Variants in NCOA2 observed in about 807,000 individuals in gnomAD.
NCOA2 encodes the protein nuclear receptor coactivator 2.
NCOA2 carries 21 observed loss-of-function variants against 145.1 expected under a neutral mutation model. That is an observed-to-expected ratio of 0.14 (90% CI 0.10 to 0.21). The LOEUF (loss-of-function observed/expected upper bound fraction) is 0.21, where lower values mean the gene tolerates loss of function less well. NCOA2 is among the 10% of genes least tolerant of loss of function. The pLI is 1.00. For missense variants in NCOA2, 1,472 were observed against 1,837.6 expected, an observed-to-expected ratio of 0.80 and a Z score of 3.64; for synonymous variants, 619 against 637.5, an observed-to-expected ratio of 0.97 and a Z score of 0.44.
chr8:70,168,626 C>T (rs1013493171), intron 6 of NCOA2, among the ~76,000 whole-genome samples: 3 of 152,168 alleles, frequency 2.0e-5, no homozygotes, highest in South Asian at 4.1e-4. Flanking sequence ...CAGCCAGTAT[C>T]AGCATTTTGA....
intron 4 of NCOA2, among the ~76,000 whole-genome samples, chr8:70,189,455 T>A (rs1192011795): frequency 6.6e-6 from 1 of 152,200 alleles, no homozygotes; most frequent in Non-Finnish European, 1.5e-5. Flanking sequence ...CATCTGTGTA[T>A]CTCTATTCAC....
At chr8:70,257,669 T>C (rs1032089195) in intron 2 of NCOA2, among the ~76,000 whole-genome samples, 1 of 151,302 alleles carries the variant, frequency 6.6e-6, no homozygotes, top group Non-Finnish European at 1.5e-5. Context: ...CCAAATGCCA[T>C]AGGGTCACTG....
chr8:70,310,215 G>T (rs1440218573), intron 1 of NCOA2, among the ~76,000 whole-genome samples: 1 of 151,402 alleles, frequency 6.6e-6, no homozygotes, highest in African/African-American at 2.4e-5. Flanking sequence ...GGTGCGGGGG[G>T]TGCCTGTAAT....
the NCOA2 span, among the ~76,000 whole-genome samples, chr8:70,451,657 A>C: frequency 1.3e-5 from 2 of 152,018 alleles, no homozygotes; most frequent in African/African-American, 4.8e-5. Context: ...ACTTGGTTCG[A>C]TTGACTATGT....
chr8:70,115,855 T>C (rs1807043134), intron 22 of NCOA2, among the ~76,000 whole-genome samples: 1 of 152,006 alleles, frequency 6.6e-6, no homozygotes, highest in Admixed American at 6.6e-5. Flanking sequence ...GGTACCATTA[T>C]AATTTCCAAT....
At chr8:70,127,637 T>C (rs1215813502) in intron 18 of NCOA2, among the ~76,000 whole-genome samples, 2 of 152,216 alleles carry the variant, frequency 1.3e-5, no homozygotes, top group Non-Finnish European at 2.9e-5. Context: ...ATGAGGCTGC[T>C]AAGATATCGT....
Position 70,154,719 on chromosome 8 carries a change from A to G in NCOA2, c.2394+1252T>C, listed in dbSNP as rs1214574561. On this transcript the variant is annotated intron_variant, in intron 11 of 22. Coordinates refer to ENST00000452400, the MANE Select transcript of NCOA2 (RefSeq NM_006540.4). ...CACCCAGTCTGTTTTTGTTTTTTTAATAAAGAAAAATAGCTTACTTTTTCC... is the reference window on the plus strand; with the variant it reads ...CACCCAGTCTGTTTTTGTTTTTTTAGTAAAGAAAAATAGCTTACTTTTTCC... Among the ~76,000 whole-genome samples the G allele has an allele frequency of 4.6e-5, 7 of 152,202 alleles. 1 individual carries two copies. Among genetic ancestry groups the G allele is most frequent in the Non-Finnish European group, 1.0e-4 (7 of 68,034 alleles).
chr8:70,157,881 G>GAA (rs1812465865), intron 10 of NCOA2, among the ~76,000 whole-genome samples: 2 of 152,180 alleles, frequency 1.3e-5, no homozygotes, highest in Admixed American at 6.5e-5. Flanking sequence ...AACAGCATGG[G>GAA]AAGGGAAGTT....
rs191770568 is a variant in NCOA2, at chr8:70,147,106, T to C, written c.2605+1167A>G. Among the ~76,000 whole-genome samples the C allele has an allele frequency of 3.2e-3, 481 of 148,016 alleles. 1 individual carries two copies. Among genetic ancestry groups the C allele is most frequent in the Non-Finnish European group, 5.8e-3 (393 of 67,482 alleles). On this transcript the variant is annotated intron_variant, in intron 12 of 22. Coordinates refer to ENST00000452400, the MANE Select transcript of NCOA2 (RefSeq NM_006540.4). ...TGAGGTTTGAGAGGTCACATGCAAA[T>C]CTTTCGCGCGCGCGCGCGCGCGTGT...
At chr8:70,325,830 T>G (rs1806506619) in intron 1 of NCOA2, among the ~76,000 whole-genome samples, 2 of 152,228 alleles carry the variant, frequency 1.3e-5, no homozygotes, top group Admixed American at 1.3e-4. Context: ...CCCATTTACT[T>G]GGTCTGCCAT....
intron 2 of NCOA2, among the ~76,000 whole-genome samples, chr8:70,264,842 A>C (rs947439632): frequency 8.5e-5 from 13 of 152,218 alleles, no homozygotes; most frequent in African/African-American, 1.7e-4. Context: ...CCAAAAAAAA[A>C]CCCATAATGT....
chr8:70,347,147 T>C (rs546434172), intron 1 of NCOA2, among the ~76,000 whole-genome samples: 5 of 152,238 alleles, frequency 3.3e-5, no homozygotes, highest in African/African-American at 1.2e-4. Flanking sequence ...TACTTTTATC[T>C]TACTAGCCTG....
the NCOA2 span, among the ~76,000 whole-genome samples, chr8:70,414,769 ATTGT>A: frequency 2.0e-5 from 3 of 152,298 alleles, no homozygotes; most frequent in African/African-American, 4.8e-5. Context: ...GTGCATGAAG[ATTGT>A]TTGTGCTTTC....
upstream of NCOA2, among the ~76,000 whole-genome samples, chr8:70,408,587 C>T (rs912202154): frequency 3.9e-5 from 6 of 152,058 alleles, no homozygotes; most frequent in African/African-American, 1.2e-4. Context: ...TCACTTGAGC[C>T]TAGGAGTTGT....
intron 2 of NCOA2, among the ~76,000 whole-genome samples, chr8:70,231,058 T>C (rs1821086507): frequency 6.6e-6 from 1 of 152,272 alleles, no homozygotes; most frequent in African/African-American, 2.4e-5. Flanking sequence ...TTTCTGATTA[T>C]ATACCTACAA....
intron 2 of NCOA2, among the ~76,000 whole-genome samples, chr8:70,295,844 C>G (rs1827045695): frequency 6.6e-6 from 1 of 152,120 alleles, no homozygotes; most frequent in African/African-American, 2.4e-5. Flanking sequence ...ACTCATGAGG[C>G]TGAGGCAGGA....
the NCOA2 span, among the ~76,000 whole-genome samples, chr8:70,424,763 A>G: frequency 2.8e-4 from 43 of 152,378 alleles, 1 homozygote; most frequent in South Asian, 8.5e-3. Context: ...GTGTTGCAGT[A>G]AAACGTTATT....
At chr8:70,186,763 A>G (rs1816122946) in intron 4 of NCOA2, among the ~76,000 whole-genome samples, 1 of 152,240 alleles carries the variant, frequency 6.6e-6, no homozygotes, top group Admixed American at 6.5e-5. Context: ...CAGGTAAAAC[A>G]GTAGGTGAGA....
intron 2 of NCOA2, among the ~76,000 whole-genome samples, chr8:70,233,297 A>G (rs190083208): frequency 1.4e-4 from 22 of 152,346 alleles, no homozygotes; most frequent in Admixed American, 1.4e-3. Flanking sequence ...GAAGCATTCT[A>G]TAATCAAATT....
Sources: gnomAD v4.1 joint callset for allele counts (sites outside exome capture counted in the v4.1 genomes callset) on GRCh38, gnomAD v4.1.1 for gene constraint, MANE v1.5 for transcripts, NCBI Gene and HGNC (gene_info 2026-07-23, HGNC 2026-07-21) for gene names.